The following ACSS3 variants were observed in gnomAD, a reference collection of about 807,000 sequenced individuals.
ACSS3 encodes the protein acyl-CoA synthetase short chain family member 3, also known as acyl-CoA synthetase short-chain family member 3, mitochondrial.
In ACSS3, 64 loss-of-function variants were observed where a neutral mutation model predicts 84.2. The ratio of observed to expected loss-of-function variants is 0.76; its 90% CI spans 0.62 to 0.94. The LOEUF (loss-of-function observed/expected upper bound fraction) is 0.94. Among genes scored for constraint, ACSS3 ranks in the 40% least tolerant of loss-of-function variants. ACSS3 has a pLI of 0.00. For synonymous variants in ACSS3, 317 were observed against 310.1 expected, an observed-to-expected ratio of 1.02 and a Z score of -0.23; for missense variants, 815 against 867.6, an observed-to-expected ratio of 0.94 and a Z score of 0.76.
intron 7 of ACSS3, among the ~76,000 whole-genome samples, chr12:81,166,941 A>G (rs140738850): frequency 1.3e-5 from 2 of 152,382 alleles, no homozygotes; most frequent in African/African-American, 4.8e-5. Flanking sequence ...ACACTGAATA[A>G]GAAAAACCTT....
intron 7 of ACSS3, among the ~76,000 whole-genome samples, chr12:81,155,058 A>C (rs2135763091): frequency 6.6e-6 from 1 of 152,274 alleles, no homozygotes; most frequent in South Asian, 2.1e-4. Flanking sequence ...ACTATACTGA[A>C]ATGATACATT....
At chr12:81,178,326 A>G (rs1168201741) in intron 8 of ACSS3, among the ~76,000 whole-genome samples, 1 of 127,566 alleles carries the variant, frequency 7.8e-6, no homozygotes, top group Non-Finnish European at 1.7e-5. Flanking sequence ...GGATGGGGGG[A>G]GGGGGCAGGG....
intron 7 of ACSS3, among the ~76,000 whole-genome samples, chr12:81,167,696 TCCA>T (rs749637919): frequency 2.0e-5 from 3 of 152,158 alleles, no homozygotes; most frequent in Non-Finnish European, 2.9e-5. Flanking sequence ...CTAAGCATCT[TCCA>T]AAAGGCCCCA....
At position 81,186,746 on chromosome 12, in the gene ACSS3, T is replaced by A. The variant is rs541059554; in HGVS notation, c.1250+11807T>A. Among the ~76,000 whole-genome samples, 15 of 151,994 alleles carry A rather than the reference T, an allele frequency of 9.9e-5. 1 individual carries two copies. The South Asian group carries it at 2.5e-3, about 25-fold the overall frequency. ...ATGTGTAGAGTAAAGGAAACTCTTG[T>A]ACTCTGTTCTTGAGAATGTAGATTG... is the stretch of plus-strand genomic sequence containing the variant. On this transcript the variant is annotated intron_variant, in intron 8 of 15. Transcript: ENST00000548058.
At chr12:81,213,986 T>TCC in intron 9 of ACSS3, among the ~76,000 whole-genome samples, 1 of 48,478 alleles carries the variant, frequency 2.1e-5, no homozygotes, top group South Asian at 6.6e-4. Context: ...TTTCTTTCTT[T>TCC]CTTTCTTTCT....
In ACSS3 at chr12:81,152,322, CA is replaced by C. The variant is rs1281264212; in HGVS notation, c.1098+231del. Among the ~76,000 whole-genome samples the C allele has an allele frequency of 3.6e-5, 5 of 138,030 alleles. No homozygotes were observed. The East Asian group carries it at 1.0e-3, about 29-fold the overall frequency. The allele number at this position is 138,030 out of a possible 152,430, so 90.6% of individuals were successfully genotyped here. On this transcript the variant is annotated intron_variant, in intron 7 of 15. Coordinates refer to ENST00000548058, the MANE Select transcript of ACSS3 (RefSeq NM_024560.4). ...TCAGAATTAAATTCTGAAGAACATACAAAAACAAGCTTTATATCTATCCCTA... is the reference window on the plus strand; with the variant it reads ...TCAGAATTAAATTCTGAAGAACATACAAAACAAGCTTTATATCTATCCCTA...
At position 81,255,620 on chromosome 12, in the gene ACSS3, G is replaced by C. The variant is rs1347603552; in HGVS notation, c.*698G>C. Reference sequence around the variant, plus strand: ...GGATCACTTGAGGTCAGCAGTTTGAGACGAGCCTGGCCAACATGGTGAAAC... The same window carrying C: ...GGATCACTTGAGGTCAGCAGTTTGACACGAGCCTGGCCAACATGGTGAAAC... On this transcript the variant is annotated 3_prime_UTR_variant, in exon 16 of 16. Transcript: ENST00000548058. 1 of 152,090 alleles carries C rather than the reference G, an allele frequency of 6.6e-6. No individual in the cohort carries two copies. Among genetic ancestry groups the C allele is most frequent in the Non-Finnish European group, 1.5e-5 (1 of 68,070 alleles). 9.4% of individuals were successfully genotyped at this position (152,090 alleles called of 1,614,324 possible).
At chr12:81,147,228 C>T (rs10778792) in intron 5 of ACSS3, among the ~76,000 whole-genome samples, 56,479 of 151,916 alleles carry the variant, frequency 0.37, 11,054 homozygotes, top group Admixed American at 0.5. Context: ...TGAAATATCC[C>T]GAATAGAAAC....
intron 1 of ACSS3, among the ~76,000 whole-genome samples, chr12:81,094,174 G>GTC (rs374875227): frequency 1.0e-4 from 11 of 109,020 alleles, no homozygotes; most frequent in African/African-American, 3.0e-4. Context: ...CTCTCTCTCT[G>GTC]TCTCTCTCTC....
At chr12:81,199,550 C>A in intron 9 of ACSS3, 106 bp downstream of exon 9, 2 of 1,459,770 alleles carry the variant, frequency 1.4e-6, no homozygotes, top group Non-Finnish European at 1.9e-6. Context: ...GACACAAACT[C>A]GGGATTCGAG....
At chr12:81,226,307 C>A (rs1397955237) in intron 11 of ACSS3, among the ~76,000 whole-genome samples, 1 of 146,434 alleles carries the variant, frequency 6.8e-6, no homozygotes, top group South Asian at 2.2e-4. Context: ...CTCTGATTTT[C>A]TTTTCTTTTT....
In ACSS3 at chr12:81,256,533, G is replaced by T. The variant is rs537422871; in HGVS notation, c.*1611G>T. 51 of 152,140 alleles carry T rather than the reference G, an allele frequency of 3.4e-4. No individual in the cohort carries two copies. The highest frequency in any genetic ancestry group is 1.2e-3 in the African/African-American group (51 of 41,526). 9.4% of individuals were successfully genotyped at this position (152,140 alleles called of 1,614,324 possible). A position where few individuals can be genotyped will look rare whatever the true frequency, so the allele number is the denominator to read the frequency against. ...AGTATACCATGCTCATTGTATCTTT[G>T]ATCGTTCTTCAAGTATTTCTCAATC... On this transcript the variant is annotated 3_prime_UTR_variant, in exon 16 of 16. Coordinates refer to ENST00000548058, the MANE Select transcript of ACSS3 (RefSeq NM_024560.4).
intron 2 of ACSS3, among the ~76,000 whole-genome samples, chr12:81,115,216 G>C (rs571345387): frequency 5.9e-4 from 90 of 152,264 alleles, no homozygotes; most frequent in Middle Eastern, 3.4e-3. Context: ...TGTTCGTAGG[G>C]TATGCCCACG....
intron 2 of ACSS3, among the ~76,000 whole-genome samples, chr12:81,113,315 A>G (rs1883758260): frequency 6.6e-6 from 1 of 152,132 alleles, no homozygotes; most frequent in Non-Finnish European, 1.5e-5. Context: ...ACCCTCCGCT[A>G]GAAATAATTT....
chr12:81,238,353 C>T (rs2033693150), intron 13 of ACSS3, among the ~76,000 whole-genome samples: 1 of 151,544 alleles, frequency 6.6e-6, no homozygotes, highest in Admixed American at 6.6e-5. Context: ...CAGCATTGTT[C>T]CAGTTCCATA....
In ACSS3 at chr12:81,216,908, A is replaced by T. The variant is rs776190282; in HGVS notation, c.1362A>T (p.Gly454=). ...VLDHWWQTET[G]SPITASCVGL... ...TAACATTTCTTTTTCCAGAGACTGGATCTCCAATTACTGCGTCATGTGTTG... is the reference window on the plus strand; with the variant it reads ...TAACATTTCTTTTTCCAGAGACTGGTTCTCCAATTACTGCGTCATGTGTTG... Residue 454 remains glycine, a synonymous_variant, in exon 10 of 16, where the codon GGA becomes GGT. Transcript: ENST00000548058. The T allele has an allele frequency of 8.7e-6, 14 of 1,609,938 alleles. No homozygotes were observed. Among genetic ancestry groups the T allele is most frequent in the Non-Finnish European group, 8.5e-6 (10 of 1,176,882 alleles).
intron 1 of ACSS3, among the ~76,000 whole-genome samples, chr12:81,084,228 A>C (rs918836462): frequency 1.3e-5 from 2 of 152,190 alleles, no homozygotes; most frequent in Non-Finnish European, 2.9e-5. Context: ...TGATAGGATG[A>C]AAGTATTATC....
At chr12:81,138,870 AAGGG>A (rs1206228602) in intron 3 of ACSS3, among the ~76,000 whole-genome samples, 12 of 152,288 alleles carry the variant, frequency 7.9e-5, no homozygotes, top group Admixed American at 5.2e-4. Context: ...GATTATTTGA[AAGGG>A]ATTTATACAT....
intron 1 of ACSS3, among the ~76,000 whole-genome samples, chr12:81,104,011 G>C (rs1418298855): frequency 6.6e-6 from 1 of 152,106 alleles, no homozygotes; most frequent in East Asian, 1.9e-4. Context: ...GTAAAAGATT[G>C]ATAAATGTTA....
Sources: allele counts gnomAD v4.1 joint callset (sites outside exome capture counted in the v4.1 genomes callset), GRCh38; gene constraint gnomAD v4.1.1; transcripts MANE v1.5; gene names NCBI Gene and HGNC (gene_info 2026-07-23, HGNC 2026-07-21).